SLC29A1: variants seen among roughly 807,000 people sequenced by gnomAD.
SLC29A1 encodes the protein solute carrier family 29 member 1 (Augustine blood group).
Under a neutral mutation model 48.3 loss-of-function variants are expected in SLC29A1, and 22 were observed. The observed-to-expected ratio is 0.46, with a 90% CI of 0.33 to 0.65. SLC29A1 has a LOEUF of 0.65. Ranked by LOEUF, SLC29A1 falls within the 30% of genes least tolerant of loss-of-function variation. The probability of loss-of-function intolerance (pLI) is 0.03; values close to 1 mark genes in which losing one functional copy is unlikely to be tolerated. For missense variants in SLC29A1, 491 were observed against 575.3 expected, an observed-to-expected ratio of 0.85 and a Z score of 1.50; for synonymous variants, 228 against 231.0, an observed-to-expected ratio of 0.99 and a Z score of 0.12.
rs1779133812 is a variant in SLC29A1, at chr6:44,232,547, A to T, written c.1059+119A>T. ...ACCATTTGTTTTAAAGTCGAGGCAT[A>T]ATTTATGTATAGTTAAGTACAAGTC... On this transcript the variant is annotated intron_variant, in intron 11 of 12. Coordinates refer to ENST00000371755, the MANE Select transcript of SLC29A1 (RefSeq NM_001372327.1). The surrounding 1 kb of genome is among the most constrained non-coding windows in gnomAD (Gnocchi z 4.7). 1.4e-6 allele frequency: 1 copy of T among 721,090 alleles called. No individual in the cohort carries two copies. The highest frequency in any genetic ancestry group is 1.8e-5 in the African/African-American group (1 of 56,344). 44.7% of individuals were successfully genotyped at this position (721,090 alleles called of 1,614,324 possible).
At chr6:44,230,507 G>C in intron 6 of SLC29A1, 26 bp downstream of exon 6, 1 of 1,613,884 alleles carries the variant, frequency 6.2e-7, no homozygotes, top group Non-Finnish European at 8.5e-7. Context: ...TACCTGCCCA[G>C]TGCCCTGGTG....
chr6:44,223,586 G>A, upstream of SLC29A1: 6 of 1,213,268 alleles, frequency 4.9e-6, no homozygotes, highest in Non-Finnish European at 6.3e-6. This position sits in a 1 kb window ranked among gnomAD's most constrained non-coding sequence, Gnocchi z 5.0. Flanking sequence ...GGCGGGAGAG[G>A]GAAGCTGCAG....
chr6:44,223,899 G>C lies in SLC29A1; in HGVS notation c.-52+258G>C. The C allele has an allele frequency of 1.0e-6, 1 of 995,232 alleles. No individual in the cohort carries two copies. 61.7% of individuals were successfully genotyped at this position (995,232 alleles called of 1,614,324 possible). A position where few individuals can be genotyped will look rare whatever the true frequency, so the allele number is the denominator to read the frequency against. On this transcript the variant is annotated intron_variant, in intron 1 of 12. Coordinates refer to ENST00000371755, the MANE Select transcript of SLC29A1 (RefSeq NM_001372327.1). This position sits in a 1 kb window ranked among gnomAD's most constrained non-coding sequence, Gnocchi z 5.0. ...GGCTCCCGGGCCTAAAACAGGCTGC[G>C]GTCACGTTGACCTCCGCAAGGGGCA...
intron 1 of SLC29A1, among the ~76,000 whole-genome samples, chr6:44,225,140 G>A (rs750584962): frequency 3.9e-5 from 6 of 152,308 alleles, no homozygotes; most frequent in Non-Finnish European, 7.4e-5. Flanking sequence ...AATCTTGCCT[G>A]TGGGGTGGAG....
chr6:44,231,341 TG>T (rs759071123), intron 8 of SLC29A1, 22 bp from the exon 9 acceptor site: 4 of 1,481,234 alleles, frequency 2.7e-6, no homozygotes, highest in Non-Finnish European at 3.7e-6. Context: ...CCCCACAACT[TG>T]GAGATTTCTT....
intron 1 of SLC29A1, chr6:44,226,665 C>G: frequency 1.2e-6 from 1 of 868,262 alleles, no homozygotes; most frequent in Non-Finnish European, 1.4e-6. Context: ...CAGCCCCACT[C>G]TAGCCATGAA....
At chr6:44,221,617 C>T (rs910170002), upstream of SLC29A1, 4 of 1,289,708 alleles carry the variant, frequency 3.1e-6, no homozygotes, top group Non-Finnish European at 4.0e-6. The surrounding 1 kb of genome is among the most constrained non-coding windows in gnomAD (Gnocchi z 4.2). Flanking sequence ...GGGAGAGAAG[C>T]CAGAAGACCA....
chr6:44,226,317 G>A (rs1777506864), intron 1 of SLC29A1: 1 of 161,226 alleles, frequency 6.2e-6, no homozygotes, highest in African/African-American at 2.4e-5. Context: ...TTAATCTGCT[G>A]GTGCCAGGGG....
At chr6:44,233,331 C>T in intron 12 of SLC29A1, 86 bp from the exon 13 acceptor site, 2 of 1,157,332 alleles carry the variant, frequency 1.7e-6, no homozygotes, top group South Asian at 1.3e-5. Flanking sequence ...AGTCAAGTTG[C>T]TCCACCCCAC....
chr6:44,233,844 G>A lies in SLC29A1; in HGVS notation c.*316G>A, dbSNP rs543538594. ...AGGCTCTTGGGCTTGGAGAACACGT[G>A]TGTCTCTGTGTATGTGTCTGTGTGT... On this transcript the variant is annotated 3_prime_UTR_variant, in exon 13 of 13. Coordinates refer to ENST00000371755, the MANE Select transcript of SLC29A1 (RefSeq NM_001372327.1). 9.4e-5 allele frequency: 36 copies of A among 384,794 alleles called. No individual in the cohort carries two copies. The highest frequency in any genetic ancestry group is 7.3e-4 in the Middle Eastern group (1 of 1,364). 23.8% of individuals were successfully genotyped at this position (384,794 alleles called of 1,614,324 possible). A position where few individuals can be genotyped will look rare whatever the true frequency, so the allele number is the denominator to read the frequency against.
Position 44,229,639 on chromosome 6 carries a change from T to TTG in SLC29A1, c.162_163insTG (p.Glu55TrpfsTer3), listed in dbSNP as rs1169476056. 6.2e-7 allele frequency: 1 copy of TTG among 1,614,180 alleles called. No individual in the cohort carries two copies. Among genetic ancestry groups the TTG allele is most frequent in the South Asian group, 1.1e-5 (1 of 91,086 alleles). On this transcript the variant is annotated frameshift_variant, in exon 4 of 13. Transcript: ENST00000371755. LOFTEE classifies it high-confidence loss of function. This position sits in a 1 kb window ranked among gnomAD's most constrained non-coding sequence, Gnocchi z 5.1. The stretch of plus-strand genomic sequence containing the variant: ...CCCAGAATGTGTCCTTGGTCACTGC[T>TTG]GAACTGAGCAAGGACGCCCAGGCGT...
intron 2 of SLC29A1, among the ~76,000 whole-genome samples, chr6:44,227,744 AT>A (rs1777900693): frequency 6.6e-6 from 1 of 152,176 alleles, no homozygotes; most frequent in Non-Finnish European, 1.5e-5. Context: ...CTTCCTCTCA[AT>A]TCCCTGCCTC....
At position 44,233,760 on chromosome 6, in the gene SLC29A1, A is replaced by AT; in HGVS notation, c.*235dup. ...TCGAGGGACGGGGTGTAGCCTCGGC[A>AT]TTTGCTTGAGTTTCTCCACTCTTGG... is the stretch of plus-strand genomic sequence containing the variant. On this transcript the variant is annotated 3_prime_UTR_variant, in exon 13 of 13. Transcript: ENST00000371755. 1 of 555,902 alleles carries AT rather than the reference A, an allele frequency of 1.8e-6. No homozygotes were observed. Among genetic ancestry groups the AT allele is most frequent in the Non-Finnish European group, 3.2e-6 (1 of 310,342 alleles). 34.4% of individuals were successfully genotyped at this position (555,902 alleles called of 1,614,324 possible).
chr6:44,223,958 C>T lies in SLC29A1; in HGVS notation c.-52+317C>T, dbSNP rs1216846092. 2.0e-6 allele frequency: 2 copies of T among 986,902 alleles called. No homozygotes were observed. The highest frequency in any genetic ancestry group is 1.2e-6 in the Non-Finnish European group (1 of 831,334). The allele number at this position is 986,902 out of a possible 1,614,324, so 61.1% of individuals were successfully genotyped here. A position where few individuals can be genotyped will look rare whatever the true frequency, so the allele number is the denominator to read the frequency against. On this transcript the variant is annotated intron_variant, in intron 1 of 12. Transcript: ENST00000371755. This position sits in a 1 kb window ranked among gnomAD's most constrained non-coding sequence, Gnocchi z 5.0. ...GACGGGTGATCCCCATCGATCTGGT[C>T]GGTATCAGGGAGGGGCCGTGCCGCT...
intron 12 of SLC29A1, 28 bp downstream of exon 12, chr6:44,233,034 G>A: frequency 6.2e-7 from 1 of 1,604,120 alleles, no homozygotes; most frequent in Non-Finnish European, 8.5e-7. Context: ...GGAACTTGGT[G>A]GCATCAGACA....
intron 1 of SLC29A1, among the ~76,000 whole-genome samples, chr6:44,224,271 G>C (rs1295131859): frequency 1.3e-5 from 2 of 151,670 alleles, no homozygotes; most frequent in Non-Finnish European, 2.9e-5. Context: ...GGGTCTCTCT[G>C]CAGCCCTGTG....
chr6:44,226,252 GA>G (rs1425510160), intron 1 of SLC29A1: 1 of 302,424 alleles, frequency 3.3e-6, no homozygotes, highest in East Asian at 1.7e-4. Context: ...TGAGTGTGGG[GA>G]ATGTGTCAGT....
intron 5 of SLC29A1, 131 bp from the exon 6 acceptor site, chr6:44,230,216 G>T (rs1051196128): frequency 1.3e-6 from 2 of 1,483,592 alleles, no homozygotes; most frequent in African/African-American, 2.8e-5. Flanking sequence ...GGGCTGGGAG[G>T]GGGCAGAGAG....
At position 44,223,906 on chromosome 6, in the gene SLC29A1, T is replaced by C. The variant is rs1277686079; in HGVS notation, c.-52+265T>C. The stretch of plus-strand genomic sequence containing the variant: ...GGGCCTAAAACAGGCTGCGGTCACG[T>C]TGACCTCCGCAAGGGGCAGGCGAGT... On this transcript the variant is annotated intron_variant, in intron 1 of 12. Transcript: ENST00000371755. The surrounding 1 kb of genome is among the most constrained non-coding windows in gnomAD (Gnocchi z 5.0). 1 of 994,964 alleles carries C rather than the reference T, an allele frequency of 1.0e-6. No homozygotes were observed. Among genetic ancestry groups the C allele is most frequent in the Non-Finnish European group, 1.2e-6 (1 of 836,350 alleles). The allele number at this position is 994,964 out of a possible 1,614,324, so 61.6% of individuals were successfully genotyped here.
Sources: gnomAD v4.1 joint callset for allele counts (sites outside exome capture counted in the v4.1 genomes callset) on GRCh38, gnomAD v4.1.1 for gene constraint, Gnocchi (gnomAD v3.1) non-coding constraint, MANE v1.5 for transcripts, NCBI Gene and HGNC (gene_info 2026-07-23, HGNC 2026-07-21) for gene names.